The following DZIP3 variants were observed in gnomAD, a reference collection of about 807,000 sequenced individuals.
The protein encoded by DZIP3 is E3 ubiquitin-protein ligase DZIP3.
In DZIP3, 118 loss-of-function variants were observed where a neutral mutation model predicts 162.0. The ratio of observed to expected loss-of-function variants is 0.73; its 90% CI spans 0.63 to 0.85. The LOEUF is 0.85. Among genes scored for constraint, DZIP3 ranks in the 40% least tolerant of loss-of-function variants. DZIP3 has a pLI of 0.00. For synonymous variants in DZIP3, 438 were observed against 458.6 expected, an observed-to-expected ratio of 0.96 and a Z score of 0.57; for missense variants, 1,331 against 1,407.0, an observed-to-expected ratio of 0.95 and a Z score of 0.86.
At chr3:108,680,067 A>C (rs1944249799) in intron 26 of DZIP3, among the ~76,000 whole-genome samples, 1 of 152,140 alleles carries the variant, frequency 6.6e-6, no homozygotes, top group South Asian at 2.1e-4. Flanking sequence ...CAATAGATGC[A>C]GAAAAAGCAT....
rs775855893 is a variant in DZIP3 at position 108,632,979 on chromosome 3, A to C, written c.723A>C (p.Thr241=). 2 of 1,433,218 alleles carry C rather than the reference A, an allele frequency of 1.4e-6. No individual in the cohort carries two copies. Among genetic ancestry groups the C allele is most frequent in the Admixed American group, 4.6e-5 (2 of 43,256 alleles). 88.8% of individuals were successfully genotyped at this position (1,433,218 alleles called of 1,614,324 possible). Reference sequence around the variant, plus strand: ...ATCTTCTTAATAATTTTATCAAGACAACTGAAAGCAATATAATGAAGCAGA... The same window carrying C: ...ATCTTCTTAATAATTTTATCAAGACCACTGAAAGCAATATAATGAAGCAGA... ...FKDLLNNFIK[T]TESNIMKQTI... Residue 241 remains threonine, a synonymous_variant, in exon 9 of 33, where the codon ACA becomes ACC. Coordinates refer to ENST00000361582, the MANE Select transcript of DZIP3 (RefSeq NM_014648.4).
intron 4 of DZIP3, among the ~76,000 whole-genome samples, chr3:108,611,853 T>G (rs1013563498): frequency 2.6e-5 from 4 of 151,842 alleles, no homozygotes; most frequent in Non-Finnish European, 5.9e-5. Flanking sequence ...TGGTCCCAGC[T>G]ACTTGGGAGG....
chr3:108,638,820 G>A (rs1942268905), intron 12 of DZIP3, among the ~76,000 whole-genome samples: 1 of 152,128 alleles, frequency 6.6e-6, no homozygotes, highest in African/African-American at 2.4e-5. Context: ...TATAACTTCT[G>A]TTCATGAAGA....
intron 3 of DZIP3, among the ~76,000 whole-genome samples, chr3:108,609,951 A>G (rs889794885): frequency 1.3e-5 from 2 of 152,190 alleles, no homozygotes; most frequent in African/African-American, 4.8e-5. Context: ...TTTTGAGTAG[A>G]ATTGACCTTT....
At chr3:108,668,769 G>A (rs1037660711) in intron 21 of DZIP3, among the ~76,000 whole-genome samples, 16 of 151,876 alleles carry the variant, frequency 1.1e-4, no homozygotes, top group African/African-American at 3.9e-4. Context: ...TTAGAATAAA[G>A]GTGAATGGGT....
chr3:108,662,190 A>T lies in DZIP3; in HGVS notation c.2356A>T (p.Lys786Ter). The T allele has an allele frequency of 1.2e-6, 2 of 1,610,030 alleles. No homozygotes were observed. The highest frequency in any genetic ancestry group is 1.7e-6 in the Non-Finnish European group (2 of 1,178,990). The change falls in exon 21 of 33, where the codon AAA becomes TAA. Residue 786 changes from lysine (K) to a stop codon, truncating the protein, a stop_gained. Transcript: ENST00000361582. LOFTEE classifies it high-confidence loss of function. ...GTGGCAAGAAAACCAAATGCAGATT[A>T]AAAAGAAAGACAAAATTATCGCATC... ...FRWQENQMQI[K>*]KKDKIIASLN...
In DZIP3 at chr3:108,688,085, A is replaced by G; in HGVS notation, c.3259A>G (p.Lys1087Glu). Residue 1087 changes from lysine (K) to glutamate (E), a missense_variant, in exon 29 of 33, where the codon AAA becomes GAA. Physicochemically the swap from Lys to Glu is moderately conservative, Grantham distance 56. This residue lies in a region of DZIP3 where 1,278 missense variants were observed against 1,317.1 expected (regional missense o/e 0.97). Transcript: ENST00000361582. ...VCKISQFIDP[K>E]KSQSQGKSVS... is the part of the protein sequence containing the mutation. Reference sequence around the variant, plus strand: ...CAAGATTTCCCAGTTTATTGACCCCAAAAAGTCTCAGGTAAAATGCAAAAA... The same window carrying G: ...CAAGATTTCCCAGTTTATTGACCCCGAAAAGTCTCAGGTAAAATGCAAAAA... The G allele has an allele frequency of 6.2e-7, 1 of 1,613,404 alleles. No individual in the cohort carries two copies. The highest frequency in any genetic ancestry group is 1.3e-5 in the African/African-American group (1 of 75,040).
At chr3:108,649,557 C>T (rs1654939256) in intron 17 of DZIP3, among the ~76,000 whole-genome samples, 1 of 151,708 alleles carries the variant, frequency 6.6e-6, no homozygotes, top group East Asian at 1.9e-4. Context: ...AAGCATATAG[C>T]TAACCACCAT....
chr3:108,614,946 A>G (rs1940921271), intron 4 of DZIP3, among the ~76,000 whole-genome samples: 1 of 152,158 alleles, frequency 6.6e-6, no homozygotes, highest in South Asian at 2.1e-4. Flanking sequence ...CTCCCAAATA[A>G]ACTATTTCCA....
chr3:108,615,155 G>A (rs775793529), intron 4 of DZIP3, among the ~76,000 whole-genome samples: 3 of 152,194 alleles, frequency 2.0e-5, no homozygotes, highest in Non-Finnish European at 4.4e-5. Context: ...CCAAAAGTCA[G>A]TCAAAAGTCA....
At chr3:108,674,047 A>C in intron 23 of DZIP3, 31 bp from the exon 24 acceptor site, 1 of 1,516,506 alleles carries the variant, frequency 6.6e-7, no homozygotes, top group Non-Finnish European at 9.1e-7. Context: ...CACACCTTCA[A>C]CTTCTTTCTC....
chr3:108,626,609 C>A (rs1941601201), intron 7 of DZIP3, among the ~76,000 whole-genome samples: 1 of 152,092 alleles, frequency 6.6e-6, no homozygotes, highest in Non-Finnish European at 1.5e-5. Flanking sequence ...ATCATTCATT[C>A]ATTTTATTTA....
intron 1 of DZIP3, among the ~76,000 whole-genome samples, chr3:108,605,008 A>G (rs929890047): frequency 6.6e-6 from 1 of 152,242 alleles, no homozygotes; most frequent in Non-Finnish European, 1.5e-5. Flanking sequence ...ATCCCAATCA[A>G]CCAGCTGTTG....
At position 108,617,398 on chromosome 3, in the gene DZIP3, AAG is replaced by A. The variant is rs1485594592; in HGVS notation, c.375+743_375+744del. 4.0e-5 allele frequency among the ~76,000 whole-genome samples: 6 copies of A among 148,164 alleles called. No homozygotes were observed. In the Middle Eastern group the frequency reaches 0.014, roughly 343 times the overall value. On this transcript the variant is annotated intron_variant, in intron 5 of 32. Transcript: ENST00000361582. ...ACAATTTTTATTTATCAATTTAAAA[AAG>A]AAAAAATATTCTGTCTTTTTAAACC...
chr3:108,611,403 T>G, intron 4 of DZIP3, 74 bp downstream of exon 4: 1 of 1,552,144 alleles, frequency 6.4e-7, no homozygotes, highest in Non-Finnish European at 8.7e-7. Context: ...AAATTCTTTT[T>G]AAACCACACA....
intron 19 of DZIP3, among the ~76,000 whole-genome samples, chr3:108,656,116 T>C (rs897503083): frequency 6.6e-6 from 1 of 152,196 alleles, no homozygotes; most frequent in Admixed American, 6.5e-5. Flanking sequence ...CAGACTTAAA[T>C]GTCCCTGTCT....
intron 1 of DZIP3, among the ~76,000 whole-genome samples, chr3:108,594,678 A>G (rs1216661994): frequency 2.6e-5 from 4 of 151,954 alleles, no homozygotes; most frequent in Admixed American, 6.6e-5. Context: ...CCCATTTATG[A>G]GTAAGAATAT....
chr3:108,630,720 GCTTT>G (rs1360547493), intron 8 of DZIP3, among the ~76,000 whole-genome samples: 1 of 151,130 alleles, frequency 6.6e-6, no homozygotes, highest in African/African-American at 2.4e-5. Context: ...AAAATATTTT[GCTTT>G]CTTTATTATC....
rs1944156588 is a variant in DZIP3, at chr3:108,677,491, T to C, written c.2782-6T>C. On this transcript the variant is annotated splice_polypyrimidine_tract_variant and splice_region_variant and intron_variant, in intron 25 of 32. Transcript: ENST00000361582. ...CTCTAAAGTATTTTTAGTCTTCTTC[T>C]ACCAGACACAGTACAATGAACAAAT... The C allele has an allele frequency of 2.5e-6, 4 of 1,611,680 alleles. No homozygotes were observed. The highest frequency in any genetic ancestry group is 3.4e-6 in the Non-Finnish European group (4 of 1,178,298).
Sources: allele counts gnomAD v4.1 joint callset (sites outside exome capture counted in the v4.1 genomes callset), GRCh38; gene constraint gnomAD v4.1.1; regional missense constraint gnomAD v4.1.1; transcripts MANE v1.5; gene names NCBI Gene and HGNC (gene_info 2026-07-23, HGNC 2026-07-21).